The following EXOC6 variants were observed in gnomAD, a reference collection of about 807,000 sequenced individuals.
The protein encoded by EXOC6 is SEC15-like 1.
EXOC6 carries 60 observed loss-of-function variants against 112.5 expected under a neutral mutation model. The ratio of observed to expected loss-of-function variants is 0.53; its 90% CI spans 0.43 to 0.66. EXOC6 has a LOEUF of 0.66. EXOC6 is among the 30% of genes least tolerant of loss of function. EXOC6 has a pLI of 0.00. For missense variants in EXOC6, 855 were observed against 957.1 expected, an observed-to-expected ratio of 0.89 and a Z score of 1.41; for synonymous variants, 295 against 308.0, an observed-to-expected ratio of 0.96 and a Z score of 0.44.
intron 13 of EXOC6, among the ~76,000 whole-genome samples, chr10:92,944,821 G>A (rs1330573031): frequency 6.7e-6 from 1 of 149,598 alleles, no homozygotes; most frequent in Non-Finnish European, 1.5e-5. Flanking sequence ...CGCTCAGGCT[G>A]GAGTGCAATG....
rs776553115 is a variant in EXOC6, at chr10:93,014,254, T to C, written c.2156T>C (p.Ile719Thr). 1 of 1,613,300 alleles carries C rather than the reference T, an allele frequency of 6.2e-7. No homozygotes were observed. The highest frequency in any genetic ancestry group is 8.5e-7 in the Non-Finnish European group (1 of 1,179,304). Residue 719 changes from isoleucine (I) to threonine (T), a missense_variant, in exon 20 of 22, where the codon ATT becomes ACT. Physicochemically the swap from Ile to Thr is moderately conservative, Grantham distance 89 (BLOSUM62 -1). Transcript: ENST00000260762. The stretch of plus-strand genomic sequence containing the variant: ...GGGGATACCCTGCAGCTAGCATTCA[T>C]TGACCTCAGACAAGTAAGATATAAT... ...FQGDTLQLAF[I>T]DLRQLLDLFM...
chr10:92,921,730 C>T (rs1233290924), intron 8 of EXOC6, among the ~76,000 whole-genome samples: 1 of 151,332 alleles, frequency 6.6e-6, no homozygotes, highest in African/African-American at 2.4e-5. Context: ...TCACTGCAGC[C>T]TTGACCTCTT....
At chr10:93,018,387 A>C (rs1844637712) in intron 20 of EXOC6, among the ~76,000 whole-genome samples, 1 of 152,204 alleles carries the variant, frequency 6.6e-6, no homozygotes, top group Admixed American at 6.5e-5. Flanking sequence ...ACATGTTTTC[A>C]AAAAAACATT....
chr10:92,995,660 G>A (rs1438977595), intron 18 of EXOC6, among the ~76,000 whole-genome samples: 2 of 151,994 alleles, frequency 1.3e-5, no homozygotes, highest in Non-Finnish European at 2.9e-5. Flanking sequence ...ATATTATTCT[G>A]CTTGGGGAAT....
chr10:92,847,960 G>A (rs1241880448), upstream of EXOC6, among the ~76,000 whole-genome samples: 1 of 151,696 alleles, frequency 6.6e-6, no homozygotes, highest in African/African-American at 2.4e-5. Context: ...CTTGCAGGCG[G>A]GGACATGAAT....
intron 14 of EXOC6, among the ~76,000 whole-genome samples, chr10:92,950,173 G>GA (rs1853316893): frequency 6.6e-6 from 1 of 152,066 alleles, no homozygotes; most frequent in Non-Finnish European, 1.5e-5. Flanking sequence ...TATGACAACT[G>GA]AAAAATAAAT....
chr10:92,934,026 A>G lies in EXOC6; in HGVS notation c.973-118A>G, dbSNP rs138612412. On this transcript the variant is annotated intron_variant, in intron 9 of 21. Coordinates refer to ENST00000260762, the MANE Select transcript of EXOC6 (RefSeq NM_019053.6). ...ATATATCCCTGGTACCTAAAAATGTACGTGGCATATAGTAGACTCTCAATA... is the reference window on the plus strand; with the variant it reads ...ATATATCCCTGGTACCTAAAAATGTGCGTGGCATATAGTAGACTCTCAATA... 8.6e-4 allele frequency: 495 copies of G among 572,458 alleles called. 4 individuals carry two copies. Among genetic ancestry groups the G allele is most frequent in the African/African-American group, 8.4e-3 (428 of 50,894 alleles). 35.5% of individuals were successfully genotyped at this position (572,458 alleles called of 1,614,324 possible). A position where few individuals can be genotyped will look rare whatever the true frequency, so the allele number is the denominator to read the frequency against.
At chr10:92,870,321 T>C (rs1848389057) in intron 1 of EXOC6, among the ~76,000 whole-genome samples, 1 of 152,152 alleles carries the variant, frequency 6.6e-6, no homozygotes, top group Non-Finnish European at 1.5e-5. Flanking sequence ...CAATACTGCT[T>C]TTATTAGCAA....
At chr10:92,881,454 G>A (rs1465968703) in intron 1 of EXOC6, among the ~76,000 whole-genome samples, 1 of 152,180 alleles carries the variant, frequency 6.6e-6, no homozygotes, top group Admixed American at 6.5e-5. Flanking sequence ...CTGAAGAATA[G>A]GTTCAGTGTA....
intron 17 of EXOC6, among the ~76,000 whole-genome samples, chr10:92,962,920 C>T (rs933208737): frequency 6.6e-6 from 1 of 152,154 alleles, no homozygotes; most frequent in Non-Finnish European, 1.5e-5. Context: ...CTATAATGAT[C>T]CTGCCTACGG....
intron 13 of EXOC6, among the ~76,000 whole-genome samples, chr10:92,947,705 C>G (rs1388978576): frequency 2.6e-5 from 4 of 152,096 alleles, no homozygotes; most frequent in African/African-American, 9.7e-5. Context: ...GTCAGGAGAT[C>G]GAGACCATCC....
At chr10:92,937,073 T>A (rs895035954) in intron 12 of EXOC6, among the ~76,000 whole-genome samples, 1 of 152,192 alleles carries the variant, frequency 6.6e-6, no homozygotes, top group Non-Finnish European at 1.5e-5. Context: ...TTTTTGTGAT[T>A]TTCAGTATCA....
intron 1 of EXOC6, among the ~76,000 whole-genome samples, chr10:92,888,867 G>A (rs1468488023): frequency 6.6e-6 from 1 of 152,156 alleles, no homozygotes; most frequent in East Asian, 1.9e-4. Context: ...TGTTAATTGT[G>A]GGAAAAGTAC....
At chr10:92,851,197 T>C (rs1221828316) in intron 1 of EXOC6, among the ~76,000 whole-genome samples, 1 of 152,026 alleles carries the variant, frequency 6.6e-6, no homozygotes, top group Admixed American at 6.6e-5. Flanking sequence ...GAGGAGCAAA[T>C]GAAATTCAGA....
chr10:93,050,940 G>A (rs1206879911), intron 20 of EXOC6, among the ~76,000 whole-genome samples: 2 of 151,788 alleles, frequency 1.3e-5, no homozygotes, highest in African/African-American at 2.4e-5. Flanking sequence ...TTCTGAGTAC[G>A]GCAGTGAACT....
intron 18 of EXOC6, among the ~76,000 whole-genome samples, chr10:92,989,178 C>T (rs1432962193): frequency 1.3e-5 from 2 of 152,176 alleles, no homozygotes. Flanking sequence ...CAGTGTCTTA[C>T]ACAAAGTAGT....
intron 1 of EXOC6, 119 bp from the exon 2 acceptor site, chr10:92,893,230 G>A (rs1466609779): frequency 4.6e-6 from 3 of 656,836 alleles, no homozygotes; most frequent in African/African-American, 1.8e-5. Context: ...TCTGCTAAAG[G>A]TAATATTATC....
intron 1 of EXOC6, among the ~76,000 whole-genome samples, chr10:92,849,027 G>A (rs1486715686): frequency 6.6e-6 from 1 of 152,150 alleles, no homozygotes; most frequent in Non-Finnish European, 1.5e-5. Context: ...CCGCGGGCAT[G>A]CCAGGCTAGG....
At chr10:92,889,644 T>C (rs1849396478) in intron 1 of EXOC6, among the ~76,000 whole-genome samples, 1 of 152,246 alleles carries the variant, frequency 6.6e-6, no homozygotes, top group African/African-American at 2.4e-5. Flanking sequence ...TCTATTCTGT[T>C]CCATTGATCT....
Sources: gnomAD v4.1 joint callset for allele counts (sites outside exome capture counted in the v4.1 genomes callset) on GRCh38, gnomAD v4.1.1 for gene constraint, MANE v1.5 for transcripts, NCBI Gene and HGNC (gene_info 2026-07-23, HGNC 2026-07-21) for gene names.